Variants in ATP7B observed in about 807,000 individuals in gnomAD.
ATP7B encodes the protein ATPase copper transporting beta, also known as copper-transporting ATPase 2.
In ATP7B, 113 loss-of-function variants were observed where a neutral mutation model predicts 118.9. That is an observed-to-expected ratio of 0.95 (90% CI 0.82 to 1.11). ATP7B has a LOEUF of 1.11. ATP7B is among the 50% of genes most tolerant of loss of function. The pLI is 0.00. For synonymous variants in ATP7B, 777 were observed against 727.4 expected (o/e 1.07, Z -1.10); for missense variants, 1,867 against 1,871.4 (o/e 1.00, Z 0.04).
intron 5 of ATP7B, 150 bp downstream of exon 5, chr13:51,964,717 GTTTAT>G (rs1958973294): frequency 3.3e-6 from 3 of 905,378 alleles, no homozygotes; most frequent in African/African-American, 3.4e-5. Context: ...CTTACCTGCA[GTTTAT>G]TTTAAAATGA....
rs775893016 is a variant in ATP7B at position 51,934,765 on chromosome 13, C to T, written c.4389G>A (p.Gln1463=). The T allele has an allele frequency of 6.2e-7, 1 of 1,613,766 alleles. No homozygotes were observed. The highest frequency in any genetic ancestry group is 1.7e-5 in the Admixed American group (1 of 60,034). ...SLLLNGRDEE[Q]YI ...CGCCTGCCTGAAGTCATCAGATGTA[C>T]TGCTCCTCATCCCTGCCATTCAGGA... The change falls in exon 21 of 21, where the codon CAG becomes CAA. Residue 1463 remains glutamine, a synonymous_variant. Transcript: ENST00000242839.
At chr13:52,001,837 C>G (rs756457028) in intron 1 of ATP7B, among the ~76,000 whole-genome samples, 2 of 152,038 alleles carry the variant, frequency 1.3e-5, no homozygotes, top group Non-Finnish European at 2.9e-5. Flanking sequence ...GTCACCCAAG[C>G]TGGAGTGCAG....
chr13:51,988,599 A>T (rs542525923), intron 1 of ATP7B, among the ~76,000 whole-genome samples: 5 of 152,282 alleles, frequency 3.3e-5, no homozygotes, highest in African/African-American at 1.2e-4. Flanking sequence ...ATAAAGACAC[A>T]CGCACACATA....
intron 6 of ATP7B, among the ~76,000 whole-genome samples, chr13:51,961,505 G>C (rs1271118813): frequency 6.6e-6 from 1 of 152,092 alleles, no homozygotes; most frequent in African/African-American, 2.4e-5. Flanking sequence ...CCCAACTTAA[G>C]TGCTGTCCAA....
At position 51,935,238 on chromosome 13, in the gene ATP7B, G is replaced by C. The variant is rs9591440; in HGVS notation, c.4125-209C>G. On this transcript the variant is annotated intron_variant, in intron 20 of 20. Transcript: ENST00000242839. The stretch of plus-strand genomic sequence containing the variant: ...TTCCTAAGCAAATGCCTTGCACATT[G>C]TAGGCTGCCACTAACTTTTGTTAAA... Among the ~76,000 whole-genome samples, 674 of 152,300 alleles carry C rather than the reference G, an allele frequency of 4.4e-3. 6 individuals carry two copies. Among genetic ancestry groups the C allele is most frequent in the African/African-American group, 0.015 (604 of 41,560 alleles).
intron 1 of ATP7B, among the ~76,000 whole-genome samples, chr13:51,977,342 T>C (rs1440166247): frequency 6.6e-6 from 1 of 152,210 alleles, no homozygotes; most frequent in African/African-American, 2.4e-5. Context: ...TATAAGCTTT[T>C]AAAATTTTTT....
intron 1 of ATP7B, among the ~76,000 whole-genome samples, chr13:51,984,772 A>G (rs187048274): frequency 3.1e-4 from 47 of 152,342 alleles, no homozygotes; most frequent in Non-Finnish European, 1.5e-4. Flanking sequence ...CGACATTCTT[A>G]AAGAAAATAA....
At chr13:51,946,854 C>T (rs753456812) in intron 12 of ATP7B, among the ~76,000 whole-genome samples, 6 of 152,182 alleles carry the variant, frequency 3.9e-5, no homozygotes, top group Admixed American at 1.3e-4. Flanking sequence ...TGAGGCAATA[C>T]ACATATAAAC....
intron 1 of ATP7B, among the ~76,000 whole-genome samples, chr13:51,983,653 T>C (rs546790865): frequency 8.0e-5 from 6 of 75,392 alleles, no homozygotes; most frequent in African/African-American, 2.3e-4. Context: ...AGATACCCCA[T>C]ACAAGAGAGT....
intron 1 of ATP7B, among the ~76,000 whole-genome samples, chr13:51,984,891 T>C (rs1429955098): frequency 1.3e-5 from 2 of 152,220 alleles, no homozygotes; most frequent in Non-Finnish European, 2.9e-5. Context: ...CCACTAGGCC[T>C]GCCTTACAAG....
chr13:51,941,194 A>G lies in ATP7B; in HGVS notation c.3443T>C (p.Ile1148Thr), dbSNP rs60431989. Residue 1148 changes from isoleucine to threonine, a missense_variant, in exon 16 of 21, where the codon ATT (isoleucine) becomes ACT (threonine). Ile to Thr is a moderately conservative substitution (Grantham distance 89). Transcript: ENST00000242839. ...GCGCCTCAGCCACTCACGGTTTCCA[A>G]TCAGCACAGAGAAGGTCTGGGGGAC... Reference protein sequence around the residue: ...DAVPQTFSVLIGNREWLRRNG... With the variant: ...DAVPQTFSVLTGNREWLRRNG... The G allele has an allele frequency of 1.9e-5, 31 of 1,614,066 alleles. No individual in the cohort carries two copies. The East Asian group carries it at 2.4e-4, about 13-fold the overall frequency.
chr13:52,011,440 CAG>C lies in ATP7B; in HGVS notation c.-105_-104del. 1 of 1,512,274 alleles carries C rather than the reference CAG, an allele frequency of 6.6e-7. No homozygotes were observed. The highest frequency in any genetic ancestry group is 9.1e-7 in the Non-Finnish European group (1 of 1,096,728). 93.7% of individuals were successfully genotyped at this position (1,512,274 alleles called of 1,614,324 possible). Reference sequence around the variant, plus strand: ...TGTTAAAGTCCCGGGAGAGGAGGCGCAGAGTGTGAGGGCATCGGCGCGGCTCG... The same window carrying C: ...TGTTAAAGTCCCGGGAGAGGAGGCGCAGTGTGAGGGCATCGGCGCGGCTCG... On this transcript the variant is annotated 5_prime_UTR_variant, in exon 1 of 21. Coordinates refer to ENST00000242839, the MANE Select transcript of ATP7B (RefSeq NM_000053.4).
At chr13:51,963,278 A>C (rs1474039817) in intron 5 of ATP7B, among the ~76,000 whole-genome samples, 1 of 152,172 alleles carries the variant, frequency 6.6e-6, no homozygotes, top group Non-Finnish European at 1.5e-5. Flanking sequence ...CGGAAGCACA[A>C]GACCTGGGTT....
intron 1 of ATP7B, among the ~76,000 whole-genome samples, chr13:52,002,783 GT>G (rs1309012003): frequency 6.6e-6 from 1 of 152,048 alleles, no homozygotes; most frequent in Non-Finnish European, 1.5e-5. Flanking sequence ...AAAGGTTTTG[GT>G]TTCCTTGTGC....
At position 51,946,330 on chromosome 13, in the gene ATP7B, T is replaced by C. The variant is rs1236973363; in HGVS notation, c.3014A>G (p.Asn1005Ser). Residue 1005 changes from asparagine (N) to serine (S), a missense_variant, in exon 13 of 21, where the codon AAC becomes AGC. Coordinates refer to ENST00000242839, the MANE Select transcript of ATP7B (RefSeq NM_000053.4). The stretch of plus-strand genomic sequence containing the variant: ...CTTGCCTCCCTTGATGAGGATGCCG[T>C]TCTGCGCGGCCACCCCGGTGCCCAC... ...VMVGTGVAAQ[N>S]GILIKGGKPL... 1.2e-6 allele frequency: 2 copies of C among 1,607,122 alleles called. No individual in the cohort carries two copies. Among genetic ancestry groups the C allele is most frequent in the Non-Finnish European group, 8.5e-7 (1 of 1,177,290 alleles).
chr13:51,980,929 G>A (rs984739031), intron 1 of ATP7B, among the ~76,000 whole-genome samples: 49 of 152,076 alleles, frequency 3.2e-4, no homozygotes, highest in Admixed American at 3.1e-3. Flanking sequence ...ACTTTCATGG[G>A]ATTCAAAATA....
intron 1 of ATP7B, chr13:51,975,556 C>A: frequency 5.8e-6 from 3 of 520,418 alleles, no homozygotes; most frequent in South Asian, 1.4e-5. Flanking sequence ...GAGGTCCCCA[C>A]CTCTGGCTGA....
chr13:51,971,583 C>T (rs1951845362), intron 2 of ATP7B, among the ~76,000 whole-genome samples: 1 of 152,218 alleles, frequency 6.6e-6, no homozygotes, highest in South Asian at 2.1e-4. Context: ...CAAAAACAGG[C>T]AGATGTTTAC....
chr13:52,011,890 C>T, upstream of ATP7B: 1 of 267,848 alleles, frequency 3.7e-6, no homozygotes, highest in South Asian at 3.9e-5. Flanking sequence ...TCACCCACCG[C>T]CTGCGGGGAA....
Sources: gnomAD v4.1 joint callset for allele counts (sites outside exome capture counted in the v4.1 genomes callset) on GRCh38, gnomAD v4.1.1 for gene constraint, MANE v1.5 for transcripts, NCBI Gene and HGNC (gene_info 2026-07-23, HGNC 2026-07-21) for gene names.